The following CDH23 variants were observed in gnomAD, a reference collection of about 807,000 sequenced individuals.
CDH23 encodes cadherin-23.
Under a neutral mutation model 317.1 loss-of-function variants are expected in CDH23, and 189 were observed. The observed-to-expected ratio is 0.60, with a 90% CI of 0.53 to 0.67. The LOEUF (loss-of-function observed/expected upper bound fraction) is 0.67, where lower values mean the gene tolerates loss of function less well. Ranked by LOEUF, CDH23 falls within the 30% of genes least tolerant of loss-of-function variation. The pLI is 0.00. For missense variants in CDH23, 4,401 were observed against 4,592.4 expected, an observed-to-expected ratio of 0.96 and a Z score of 1.20; for synonymous variants, 1,839 against 1,876.8, an observed-to-expected ratio of 0.98 and a Z score of 0.52.
intron 3 of CDH23, among the ~76,000 whole-genome samples, chr10:71,448,043 A>G (rs1204624092): frequency 1.3e-5 from 2 of 152,224 alleles, no homozygotes; most frequent in Non-Finnish European, 2.9e-5. Context: ...CCACTGAGGC[A>G]GTGGTGTGGC....
intron 41 of CDH23, among the ~76,000 whole-genome samples, chr10:71,780,949 T>C (rs1408368198): frequency 6.6e-6 from 1 of 151,992 alleles, no homozygotes; most frequent in African/African-American, 2.4e-5. Context: ...TGAGAGAAAG[T>C]CAAGGTTTTG....
intron 9 of CDH23, among the ~76,000 whole-genome samples, chr10:71,582,446 T>C (rs1332311266): frequency 6.6e-6 from 1 of 152,234 alleles, no homozygotes; most frequent in African/African-American, 2.4e-5. Flanking sequence ...AAATACAACA[T>C]ATTATTAAAA....
chr10:71,800,901 G>T, intron 53 of CDH23, 146 bp downstream of exon 53: 2 of 1,141,272 alleles, frequency 1.8e-6, no homozygotes, highest in Non-Finnish European at 1.2e-6. Context: ...GAGAAGGCAA[G>T]AGGGTAACTG....
At chr10:71,495,552 G>A (rs369933064) in intron 3 of CDH23, among the ~76,000 whole-genome samples, 1 of 152,092 alleles carries the variant, frequency 6.6e-6, no homozygotes, top group African/African-American at 2.4e-5. Context: ...AGAATCTTAA[G>A]CCGGGCACGG....
rs976414800 is a variant in CDH23, at chr10:71,680,423, G to A, written c.1858+931G>A. On this transcript the variant is annotated intron_variant, in intron 17 of 69. Coordinates refer to ENST00000224721, the MANE Select transcript of CDH23 (RefSeq NM_022124.6). ...TGGTCATTCCTCCCACTACCCCACA[G>A]TTAGTTCAGTTCAGAGAAATGCCAC... 2.0e-5 allele frequency among the ~76,000 whole-genome samples: 3 copies of A among 152,116 alleles called. No homozygotes were observed. The East Asian group carries it at 5.8e-4, about 29-fold the overall frequency.
At chr10:71,598,906 G>A (rs1860035871) in intron 9 of CDH23, among the ~76,000 whole-genome samples, 1 of 152,214 alleles carries the variant, frequency 6.6e-6, no homozygotes, top group Admixed American at 6.5e-5. Context: ...GGGGCACTGG[G>A]CCAAGGGCTT....
At chr10:71,785,786 A>G (rs749973734) in intron 44 of CDH23, 48 bp downstream of exon 44, 5 of 1,159,408 alleles carry the variant, frequency 4.3e-6, no homozygotes, top group African/African-American at 3.0e-5. Context: ...CTAGAGGCGC[A>G]TGGAGAGAGA....
chr10:71,682,609 G>T lies in CDH23; in HGVS notation c.1986+37G>T, dbSNP rs375092344. The T allele has an allele frequency of 3.7e-6, 6 of 1,606,782 alleles. No individual in the cohort carries two copies. The African/African-American group carries it at 8.0e-5, about 21-fold the overall frequency. On this transcript the variant is annotated intron_variant, in intron 18 of 69. Coordinates refer to ENST00000224721, the MANE Select transcript of CDH23 (RefSeq NM_022124.6). The stretch of plus-strand genomic sequence containing the variant: ...GGGCCACTGGCCTTGCCCTGCTAGT[G>T]TAAGGGATGGTGAGTGCTTCCTGTG...
chr10:71,407,494 G>T (rs1451002835), intron 1 of CDH23, among the ~76,000 whole-genome samples: 3 of 152,212 alleles, frequency 2.0e-5, no homozygotes, highest in Non-Finnish European at 2.9e-5. Context: ...CATCTGGGAA[G>T]GCCATGTATG....
At chr10:71,455,594 T>C (rs1167515658) in intron 3 of CDH23, among the ~76,000 whole-genome samples, 3 of 152,212 alleles carry the variant, frequency 2.0e-5, no homozygotes, top group Non-Finnish European at 4.4e-5. Context: ...CAAAAATCCC[T>C]GTCCTCATGG....
At chr10:71,426,086 G>C (rs1057114261) in intron 1 of CDH23, among the ~76,000 whole-genome samples, 1 of 152,200 alleles carries the variant, frequency 6.6e-6, no homozygotes, top group Non-Finnish European at 1.5e-5. Context: ...GTCTTGGGGA[G>C]GGCAGGAGGG....
At chr10:71,702,802 G>T in intron 24 of CDH23, 108 bp downstream of exon 24, 2 of 1,274,602 alleles carry the variant, frequency 1.6e-6, no homozygotes, top group Non-Finnish European at 2.2e-6. Context: ...GGAGGAGCTG[G>T]GTCTTGAAGG....
rs1420447071 is a variant in CDH23 at position 71,681,157 on chromosome 10, AT to A, written c.1859-1287del. 2.0e-5 allele frequency among the ~76,000 whole-genome samples: 3 copies of A among 152,014 alleles called. No individual in the cohort carries two copies. The East Asian group carries it at 5.8e-4, about 29-fold the overall frequency. On this transcript the variant is annotated intron_variant, in intron 17 of 69. Coordinates refer to ENST00000224721, the MANE Select transcript of CDH23 (RefSeq NM_022124.6). ...CCTCTTTCAAAAACTTAAAAGTTCC[AT>A]GCTTCTGCCTGCCCCATACCTCACC...
chr10:71,755,007 C>T (rs566887092), intron 38 of CDH23: 37 of 467,452 alleles, frequency 7.9e-5, no homozygotes, highest in African/African-American at 6.3e-4. Flanking sequence ...AAAACAAGCA[C>T]GCCCATACCT....
intron 18 of CDH23, among the ~76,000 whole-genome samples, chr10:71,686,317 G>T (rs113334257): frequency 3.7e-4 from 57 of 152,070 alleles, no homozygotes; most frequent in African/African-American, 1.1e-3. Flanking sequence ...CAGGGGAGAT[G>T]CCCAGGCACG....
At chr10:71,746,699 AGAGG>A (rs1476845110) in intron 38 of CDH23, among the ~76,000 whole-genome samples, 2 of 152,302 alleles carry the variant, frequency 1.3e-5, no homozygotes, top group Non-Finnish European at 2.9e-5. Flanking sequence ...AGTGGGGTGG[AGAGG>A]GAGGGAGGGC....
intron 3 of CDH23, among the ~76,000 whole-genome samples, chr10:71,458,447 C>T (rs1230005631): frequency 6.6e-6 from 1 of 152,270 alleles, no homozygotes; most frequent in East Asian, 1.9e-4. Context: ...CTCTCTGAAC[C>T]TCGTTTCCCT....
intron 1 of CDH23, among the ~76,000 whole-genome samples, chr10:71,417,017 C>G (rs1359242768): frequency 1.5e-5 from 2 of 133,798 alleles, no homozygotes; most frequent in Non-Finnish European, 3.2e-5. Flanking sequence ...TTTGTTTTGC[C>G]TTTGGTTTTC....
chr10:71,526,442 A>T (rs1472159441), intron 6 of CDH23, among the ~76,000 whole-genome samples: 1 of 152,206 alleles, frequency 6.6e-6, no homozygotes, highest in East Asian at 1.9e-4. Flanking sequence ...AGGTGGGCGG[A>T]GGCCCCAAAA....
Sources: allele counts gnomAD v4.1 joint callset (sites outside exome capture counted in the v4.1 genomes callset), GRCh38; gene constraint gnomAD v4.1.1; transcripts MANE v1.5; gene names NCBI Gene and HGNC (gene_info 2026-07-23, HGNC 2026-07-21).